The following CADM2 variants were observed in gnomAD, a reference collection of about 807,000 sequenced individuals.
CADM2 encodes immunoglobulin superfamily member 4D.
In CADM2, 12 loss-of-function variants were observed where a neutral mutation model predicts 49.8. The ratio of observed to expected loss-of-function variants is 0.24; its 90% confidence interval spans 0.15 to 0.39. CADM2 has a LOEUF of 0.39. CADM2 is among the 10% of genes least tolerant of loss of function. The pLI is 1.00. For synonymous variants in CADM2, 214 were observed against 175.4 expected, an observed-to-expected ratio of 1.22 and a Z score of -1.74; for missense variants, 378 against 492.3, an observed-to-expected ratio of 0.77 and a Z score of 2.20.
In CADM2 at chr3:85,187,161, AAACCCAATT is replaced by A. The variant is rs1466658544; in HGVS notation, c.61+227496_61+227504del. On this transcript the variant is annotated intron_variant, in intron 1 of 9. Coordinates refer to ENST00000383699, the MANE Select transcript of CADM2 (RefSeq NM_001167675.2). ...GTTCAATATCACACAGATAGAGCCC[AAACCCAATT>A]AATCTTCTAAAAATGGGTAGCCTCT... Among the ~76,000 whole-genome samples the A allele has an allele frequency of 3.3e-5, 5 of 152,294 alleles. No individual in the cohort carries two copies. In the East Asian group the frequency reaches 9.6e-4, roughly 29 times the overall value.
At chr3:85,621,491 T>C (rs1261682448) in intron 1 of CADM2, among the ~76,000 whole-genome samples, 1 of 152,184 alleles carries the variant, frequency 6.6e-6, no homozygotes, top group Non-Finnish European at 1.5e-5. Context: ...TTATTAGATT[T>C]ATTTTGCCTA....
At chr3:85,618,333 G>A (rs1270621004) in intron 1 of CADM2, among the ~76,000 whole-genome samples, 1 of 152,036 alleles carries the variant, frequency 6.6e-6, no homozygotes, top group Non-Finnish European at 1.5e-5. Context: ...CCAAGACTAG[G>A]TATGGTAGGG....
intron 1 of CADM2, among the ~76,000 whole-genome samples, chr3:85,678,028 C>A (rs976040408): frequency 1.5e-4 from 23 of 152,142 alleles, no homozygotes; most frequent in Admixed American, 2.0e-4. Flanking sequence ...AAAGTCTAAT[C>A]ACACATTGGC....
At chr3:85,283,422 A>C (rs1056896988) in intron 1 of CADM2, among the ~76,000 whole-genome samples, 5 of 151,828 alleles carry the variant, frequency 3.3e-5, no homozygotes, top group African/African-American at 1.2e-4. Flanking sequence ...TTAATTCTGT[A>C]AATGTAAGGA....
intron 1 of CADM2, among the ~76,000 whole-genome samples, chr3:84,981,437 C>CGTTA (rs1394420413): frequency 6.6e-6 from 1 of 151,928 alleles, no homozygotes; most frequent in Non-Finnish European, 1.5e-5. Flanking sequence ...CTGAATTGTA[C>CGTTA]GTTACTATTT....
At chr3:85,214,464 C>A (rs757801630) in intron 1 of CADM2, among the ~76,000 whole-genome samples, 4 of 152,054 alleles carry the variant, frequency 2.6e-5, no homozygotes, top group Non-Finnish European at 5.9e-5. Context: ...CCTTAAGGCC[C>A]ATGGACTCTG....
At chr3:86,064,540 G>A (rs1368811347) in intron 8 of CADM2, among the ~76,000 whole-genome samples, 4 of 152,176 alleles carry the variant, frequency 2.6e-5, no homozygotes, top group East Asian at 1.9e-4. Context: ...CTTTATAGCA[G>A]CATGATTTAT....
intron 1 of CADM2, among the ~76,000 whole-genome samples, chr3:85,588,134 A>G (rs2062994828): frequency 6.6e-6 from 1 of 152,044 alleles, no homozygotes; most frequent in East Asian, 1.9e-4. Flanking sequence ...AATTTGTCAC[A>G]GAAAATGATG....
In CADM2 at chr3:85,912,440, C is replaced by T. The variant is rs1364752802; in HGVS notation, c.597C>T (p.Phe199=). 2 of 1,613,942 alleles carry T rather than the reference C, an allele frequency of 1.2e-6. No homozygotes were observed. The highest frequency in any genetic ancestry group is 8.5e-7 in the Non-Finnish European group (1 of 1,179,982). The part of the protein sequence containing the change: ...KTFTVSSTLD[F]RVDRSDDGVA... Reference sequence around the variant, plus strand: ...TCACTGTCAGCAGCACACTGGACTTCCGAGTGGACCGGAGTGATGATGGAG... The same window carrying T: ...TCACTGTCAGCAGCACACTGGACTTTCGAGTGGACCGGAGTGATGATGGAG... The change falls in exon 6 of 10, where the codon TTC becomes TTT. Residue 199 remains phenylalanine (F), a synonymous_variant. Coordinates refer to ENST00000383699, the MANE Select transcript of CADM2 (RefSeq NM_001167675.2).
intron 1 of CADM2, among the ~76,000 whole-genome samples, chr3:85,275,745 C>A (rs1184561052): frequency 6.6e-6 from 1 of 150,948 alleles, no homozygotes; most frequent in East Asian, 1.9e-4. Context: ...TACCTTTTCA[C>A]TTTCTTTATT....
intron 1 of CADM2, among the ~76,000 whole-genome samples, chr3:85,264,917 C>T (rs1430153517): frequency 2.0e-5 from 3 of 151,976 alleles, no homozygotes; most frequent in African/African-American, 7.2e-5. Flanking sequence ...CCAGTTGTTT[C>T]TAGCATCTTA....
intron 2 of CADM2, among the ~76,000 whole-genome samples, chr3:85,783,893 A>T (rs2070807442): frequency 6.6e-6 from 1 of 152,162 alleles, no homozygotes; most frequent in South Asian, 2.1e-4. Flanking sequence ...AAAAATATGC[A>T]CCACTTTTTT....
intron 3 of CADM2, among the ~76,000 whole-genome samples, chr3:85,811,480 G>A (rs2072873507): frequency 6.6e-6 from 1 of 152,176 alleles, no homozygotes; most frequent in Non-Finnish European, 1.5e-5. Context: ...GTGCCAGGTT[G>A]TTTGCAGTTA....
chr3:85,158,267 G>T (rs920701243), intron 1 of CADM2, among the ~76,000 whole-genome samples: 8 of 152,190 alleles, frequency 5.3e-5, no homozygotes, highest in African/African-American at 1.9e-4. Flanking sequence ...TTCAACCATT[G>T]TGGAAGACAG....
At chr3:85,286,988 C>T (rs2043648820) in intron 1 of CADM2, among the ~76,000 whole-genome samples, 1 of 152,102 alleles carries the variant, frequency 6.6e-6, no homozygotes, top group Non-Finnish European at 1.5e-5. Context: ...TGAGAAGCCT[C>T]ATCACACAAA....
Position 85,347,653 on chromosome 3 carries a change from T to TATA in CADM2, c.62-378869_62-378868insATA, listed in dbSNP as rs758951532. Among the ~76,000 whole-genome samples, 22 of 96,750 alleles carry TATA rather than the reference T, an allele frequency of 2.3e-4. No homozygotes were observed. The Admixed American group carries it at 2.3e-3, about 10-fold the overall frequency. 63.5% of individuals were successfully genotyped at this position (96,750 alleles called of 152,430 possible). A position where few individuals can be genotyped will look rare whatever the true frequency, so the allele number is the denominator to read the frequency against. On this transcript the variant is annotated intron_variant, in intron 1 of 9. Coordinates refer to ENST00000383699, the MANE Select transcript of CADM2 (RefSeq NM_001167675.2). Reference sequence around the variant, plus strand: ...TAAATATATATACATATATATATATTTTTTTTAAGATGCAGTCTTACTCTG... The same window carrying TATA: ...TAAATATATATACATATATATATATTATATTTTTTAAGATGCAGTCTTACTCTG...
chr3:85,376,158 G>A (rs536247841), intron 1 of CADM2, among the ~76,000 whole-genome samples: 3 of 151,920 alleles, frequency 2.0e-5, no homozygotes, highest in African/African-American at 7.3e-5. Context: ...TTGTGTTTTA[G>A]GAGTACTCTT....
intron 1 of CADM2, among the ~76,000 whole-genome samples, chr3:85,414,418 G>A (rs991698237): frequency 2.6e-5 from 4 of 152,128 alleles, no homozygotes; most frequent in Non-Finnish European, 5.9e-5. Context: ...AATGGTCATA[G>A]CAAGTATGTA....
intron 6 of CADM2, among the ~76,000 whole-genome samples, chr3:85,920,475 G>T: frequency 6.6e-6 from 1 of 151,716 alleles, no homozygotes; most frequent in East Asian, 1.9e-4. Context: ...AGAATCATAA[G>T]GTGATCTATG....
Sources: allele counts gnomAD v4.1 joint callset (sites outside exome capture counted in the v4.1 genomes callset), GRCh38; gene constraint gnomAD v4.1.1; transcripts MANE v1.5; gene names NCBI Gene and HGNC (gene_info 2026-07-23, HGNC 2026-07-21).